Variants in TRIM24 observed in about 807,000 individuals in gnomAD.
TRIM24 encodes the protein tripartite motif containing 24, also known as transcription intermediary factor 1-alpha.
Under a neutral mutation model 123.9 loss-of-function variants are expected in TRIM24, and 29 were observed. That is an observed-to-expected ratio of 0.23 (90% CI 0.17 to 0.32). The LOEUF is 0.32. TRIM24 is among the 10% of genes least tolerant of loss of function. The pLI is 1.00. For synonymous variants in TRIM24, 456 were observed against 461.1 expected (o/e 0.99, Z 0.14); for missense variants, 932 against 1,295.3 (o/e 0.72, Z 4.31).
chr7:138,467,632 G>C (rs1349774423), intron 1 of TRIM24, among the ~76,000 whole-genome samples: 1 of 152,136 alleles, frequency 6.6e-6, no homozygotes. Context: ...GTGAGCCACT[G>C]CACCCAGCCA....
At chr7:138,583,790 T>C in intron 17 of TRIM24, 60 bp from the exon 18 acceptor site, 1 of 1,182,674 alleles carries the variant, frequency 8.5e-7, no homozygotes, top group South Asian at 1.5e-5. Flanking sequence ...TCTCATAGAA[T>C]ATATTTAGGA....
intron 2 of TRIM24, among the ~76,000 whole-genome samples, chr7:138,509,336 T>C (rs184920163): frequency 3.0e-4 from 45 of 148,452 alleles, no homozygotes; most frequent in Admixed American, 2.0e-3. Flanking sequence ...ATATAATATA[T>C]TATATGCATA....
intron 12 of TRIM24, among the ~76,000 whole-genome samples, chr7:138,574,451 CTG>C (rs1351745590): frequency 6.6e-6 from 1 of 152,164 alleles, no homozygotes; most frequent in African/African-American, 2.4e-5. Context: ...AGCAGAGAAA[CTG>C]TTTATCATAT....
intron 1 of TRIM24, among the ~76,000 whole-genome samples, chr7:138,485,623 A>G (rs1795628495): frequency 6.6e-6 from 1 of 152,008 alleles, no homozygotes; most frequent in Non-Finnish European, 1.5e-5. Context: ...CTGTTTGCTC[A>G]GAATGATGGT....
Position 138,583,930 on chromosome 7 carries a change from G to A in TRIM24, c.2874G>A (p.Met958Ile). The A allele has an allele frequency of 6.2e-7, 1 of 1,605,538 alleles. No homozygotes were observed. The highest frequency in any genetic ancestry group is 8.5e-7 in the Non-Finnish European group (1 of 1,177,676). The change falls in exon 18 of 19, where the codon ATG (methionine) becomes ATA (isoleucine). Residue 958 changes from methionine (M) to isoleucine (I), a missense_variant. By Grantham distance (10) the Met-to-Ile change is conservative (BLOSUM62 1). Around this residue, in one of 7 missense-constraint regions of TRIM24, gnomAD observed 104 missense variants for 121.5 expected, o/e 0.86. Coordinates refer to ENST00000343526, the MANE Select transcript of TRIM24 (RefSeq NM_015905.3). The part of the protein sequence containing the change: ...IKKRLQEDYS[M>I]YSKPEDFVAD... ...AAAGACTACAAGAAGATTATTCCAT[G>A]TACTCAAAACCTGAAGATTTTGTAG...
intron 1 of TRIM24, among the ~76,000 whole-genome samples, chr7:138,482,901 A>T (rs1211585743): frequency 6.6e-6 from 1 of 151,922 alleles, no homozygotes; most frequent in East Asian, 1.9e-4. Context: ...CCTGGCCCAA[A>T]TATGTTTTAT....
chr7:138,511,618 T>G (rs1796290486), intron 2 of TRIM24, among the ~76,000 whole-genome samples: 1 of 152,032 alleles, frequency 6.6e-6, no homozygotes, highest in Non-Finnish European at 1.5e-5. Context: ...TGAACACATC[T>G]CCATGTGAAC....
At chr7:138,508,304 C>G (rs1336922577) in intron 2 of TRIM24, among the ~76,000 whole-genome samples, 2 of 151,840 alleles carry the variant, frequency 1.3e-5, no homozygotes, top group African/African-American at 4.8e-5. Flanking sequence ...GGTTCTGGTT[C>G]CGTTGTGGGA....
At chr7:138,571,512 T>C (rs2116671995) in intron 11 of TRIM24, among the ~76,000 whole-genome samples, 1 of 152,250 alleles carries the variant, frequency 6.6e-6, no homozygotes, top group South Asian at 2.1e-4. Flanking sequence ...TGATGGATCA[T>C]GGAATCTAAG....
Position 138,589,413 on chromosome 7 carries a change from T to A in TRIM24, c.*4462T>A, listed in dbSNP as rs1228065091. On this transcript the variant is annotated 3_prime_UTR_variant, in exon 19 of 19. Transcript: ENST00000343526. ...CCACAAGGATTTTTTAATAGAAAAA[T>A]TACTGAATGTTACTTCAGCAGAGTT... is the stretch of plus-strand genomic sequence containing the variant. The A allele has an allele frequency of 6.6e-6, 1 of 152,158 alleles. No homozygotes were observed. The highest frequency in any genetic ancestry group is 1.5e-5 in the Non-Finnish European group (1 of 68,030). 9.4% of individuals were successfully genotyped at this position (152,158 alleles called of 1,614,324 possible). A position where few individuals can be genotyped will look rare whatever the true frequency, so the allele number is the denominator to read the frequency against.
chr7:138,519,106 G>C, intron 3 of TRIM24, 83 bp from the exon 4 acceptor site: 1 of 1,516,060 alleles, frequency 6.6e-7, no homozygotes, highest in Non-Finnish European at 9.0e-7. Context: ...ATCAATAGAT[G>C]TGAATTCAAA....
chr7:138,502,393 T>C (rs770502099), intron 1 of TRIM24, among the ~76,000 whole-genome samples: 6 of 152,248 alleles, frequency 3.9e-5, no homozygotes, highest in Non-Finnish European at 8.8e-5. Flanking sequence ...TTAAGTATCA[T>C]GATGATTATC....
intron 2 of TRIM24, among the ~76,000 whole-genome samples, chr7:138,506,846 T>C (rs1023452184): frequency 6.6e-6 from 1 of 152,022 alleles, no homozygotes; most frequent in African/African-American, 2.4e-5. Context: ...AGACTGGAGA[T>C]GTCATATGGG....
intron 7 of TRIM24, among the ~76,000 whole-genome samples, chr7:138,541,775 G>A (rs538152897): frequency 6.6e-5 from 10 of 152,324 alleles, no homozygotes; most frequent in African/African-American, 2.4e-4. Flanking sequence ...ACGTTGAAAT[G>A]TGTTGTTTAG....
Position 138,460,698 on chromosome 7 carries a change from C to T in TRIM24, c.150C>T (p.Leu50=). Residue 50 remains leucine, a synonymous_variant, in exon 1 of 19, where the codon CTC becomes CTT. Transcript: ENST00000343526. ...DSERGGEAAR[L]NLLDTCAVCH... Reference sequence around the variant, plus strand: ...AGCGCGGCGGCGAGGCGGCCCGGCTCAACCTGTTGGACACTTGCGCCGTGT... The same window carrying T: ...AGCGCGGCGGCGAGGCGGCCCGGCTTAACCTGTTGGACACTTGCGCCGTGT... 6.4e-7 allele frequency: 1 copy of T among 1,554,440 alleles called. No homozygotes were observed. Among genetic ancestry groups the T allele is most frequent in the Middle Eastern group, 1.9e-4 (1 of 5,172 alleles).
In TRIM24 at chr7:138,587,460, T is replaced by A. The variant is rs1474183533; in HGVS notation, c.*2509T>A. The A allele has an allele frequency of 6.6e-6, 1 of 152,202 alleles. No homozygotes were observed. The highest frequency in any genetic ancestry group is 2.4e-5 in the African/African-American group (1 of 41,444). 9.4% of individuals were successfully genotyped at this position (152,202 alleles called of 1,614,324 possible). ...ATAAGTACCTGTGTGCCCAGGTGGA[T>A]CTCAGCTAAGTCATCCTTAAATTCT... On this transcript the variant is annotated 3_prime_UTR_variant, in exon 19 of 19. Coordinates refer to ENST00000343526, the MANE Select transcript of TRIM24 (RefSeq NM_015905.3).
chr7:138,500,044 T>C (rs1584702279), intron 1 of TRIM24, among the ~76,000 whole-genome samples: 1 of 152,176 alleles, frequency 6.6e-6, no homozygotes. Flanking sequence ...TTAACTCACT[T>C]GTGTTGTGAT....
At chr7:138,534,375 A>G (rs1347098664) in intron 6 of TRIM24, among the ~76,000 whole-genome samples, 2 of 152,154 alleles carry the variant, frequency 1.3e-5, no homozygotes, top group African/African-American at 4.8e-5. Flanking sequence ...CCCTCTACAC[A>G]TTGCTTTAAA....
At chr7:138,504,963 G>T (rs910457551) in intron 2 of TRIM24, among the ~76,000 whole-genome samples, 4 of 151,488 alleles carry the variant, frequency 2.6e-5, no homozygotes, top group Non-Finnish European at 5.9e-5. Context: ...ATTTCACCAT[G>T]TTGGCCAGGC....
Sources: allele counts gnomAD v4.1 joint callset (sites outside exome capture counted in the v4.1 genomes callset), GRCh38; gene constraint gnomAD v4.1.1; regional missense constraint gnomAD v4.1.1; transcripts MANE v1.5; gene names NCBI Gene and HGNC (gene_info 2026-07-23, HGNC 2026-07-21).